Variants in EBF3 observed in about 807,000 individuals in gnomAD.
EBF3 encodes transcription factor COE3.
EBF3 carries 18 observed loss-of-function variants against 77.1 expected under a neutral mutation model. The observed-to-expected ratio is 0.23, with a 90% CI of 0.16 to 0.35. The LOEUF (loss-of-function observed/expected upper bound fraction) is 0.35, where lower values mean the gene tolerates loss of function less well. Ranked by LOEUF, EBF3 falls within the 10% of genes least tolerant of loss-of-function variation. The pLI, the probability that EBF3 is intolerant of heterozygous loss-of-function variation, is 1.00. For missense variants in EBF3, 558 were observed against 860.0 expected (o/e 0.65, Z 4.39); for synonymous variants, 350 against 343.5 (o/e 1.02, Z -0.21).
At chr10:129,941,286 AGC>A (rs1857717958) in intron 6 of EBF3, among the ~76,000 whole-genome samples, 2 of 152,344 alleles carry the variant, frequency 1.3e-5, no homozygotes, top group East Asian at 3.9e-4. Context: ...GTGTCAGATG[AGC>A]CGGGCTGGAG....
intron 6 of EBF3, among the ~76,000 whole-genome samples, chr10:129,915,481 CACACACACACACACACAA>C (rs930277743): frequency 5.0e-5 from 6 of 121,194 alleles, no homozygotes; most frequent in Admixed American, 1.8e-4. Flanking sequence ...CACACACACA[CACACACACACACACACAA>C]AAAAGCCAAG....
intron 6 of EBF3, among the ~76,000 whole-genome samples, chr10:129,905,771 T>C (rs185865525): frequency 1.1e-3 from 173 of 152,292 alleles, no homozygotes; most frequent in African/African-American, 3.9e-3. Flanking sequence ...AACCCTGGAA[T>C]TGAACTCGCC....
rs1364468943 is a variant in EBF3 at position 129,837,877 on chromosome 10, C to T, written c.*66G>A. 22 of 1,612,694 alleles carry T rather than the reference C, an allele frequency of 1.4e-5. No individual in the cohort carries two copies. In the East Asian group the frequency reaches 3.6e-4, roughly 26 times the overall value. On this transcript the variant is annotated 3_prime_UTR_variant, in exon 17 of 17. Transcript: ENST00000440978. ...ATGTCTTAATATACTAAACGTGTCC[C>T]CTGAAGTCCGTCCTTTGATGCTGGG... is the stretch of plus-strand genomic sequence containing the variant.
In EBF3 at chr10:129,945,999, G is replaced by A. The variant is rs999042266; in HGVS notation, c.554+11259C>T. Among the ~76,000 whole-genome samples the A allele has an allele frequency of 6.0e-5, 9 of 149,704 alleles. No individual in the cohort carries two copies. The East Asian group carries it at 1.2e-3, about 20-fold the overall frequency. On this transcript the variant is annotated intron_variant, in intron 6 of 16. Transcript: ENST00000440978. Reference sequence around the variant, plus strand: ...AAGTTTCCACTCGTTAGAAGATATCGCTACTATTTCCTTCCAAAAAAAAAA... The same window carrying A: ...AAGTTTCCACTCGTTAGAAGATATCACTACTATTTCCTTCCAAAAAAAAAA...
intron 6 of EBF3, among the ~76,000 whole-genome samples, chr10:129,909,614 C>G (rs1208928467): frequency 6.6e-6 from 1 of 152,194 alleles, no homozygotes; most frequent in Non-Finnish European, 1.5e-5. Flanking sequence ...CTCTGGAAGT[C>G]AAGCCTGGAA....
At position 129,935,280 on chromosome 10, in the gene EBF3, G is replaced by A. The variant is rs1431569602; in HGVS notation, c.554+21978C>T. Among the ~76,000 whole-genome samples the A allele has an allele frequency of 1.3e-5, 2 of 152,120 alleles. No individual in the cohort carries two copies. The highest frequency in any genetic ancestry group is 2.9e-5 in the Non-Finnish European group (2 of 68,012). ...CATGGCTGTCCCAGCACCCAGAGTG[G>A]AGTTGGGAACCAGGCTTGGATCTGC... On this transcript the variant is annotated intron_variant, in intron 6 of 16. Transcript: ENST00000440978. The surrounding 1 kb of genome is among the most constrained non-coding windows in gnomAD (Gnocchi z 4.2).
intron 16 of EBF3, 136 bp downstream of exon 16, chr10:129,838,947 A>C (rs1590024084): frequency 3.7e-6 from 3 of 810,754 alleles, no homozygotes; most frequent in Non-Finnish European, 5.2e-6. Flanking sequence ...GCGGCACCTC[A>C]CCACCTGCCT....
chr10:129,849,443 T>C (rs1008958872), intron 10 of EBF3, among the ~76,000 whole-genome samples: 31 of 152,204 alleles, frequency 2.0e-4, no homozygotes, highest in African/African-American at 6.0e-4. Context: ...ATTTGGGCCA[T>C]CACTCATTAG....
chr10:129,836,728 T>TCACAA lies in EBF3; in HGVS notation c.*1210_*1214dup, dbSNP rs577626175. On this transcript the variant is annotated 3_prime_UTR_variant, in exon 17 of 17. Coordinates refer to ENST00000440978, the MANE Select transcript of EBF3 (RefSeq NM_001375380.1). ...TTCTTGGCTAATGCTCTTCCCAGTA[T>TCACAA]CACAACACCAGGCCGTGATCAAAAA... The TCACAA allele has an allele frequency of 1.6e-4, 25 of 152,362 alleles. 1 individual carries two copies. Among genetic ancestry groups the TCACAA allele is most frequent in the Admixed American group, 1.6e-3 (24 of 15,280 alleles). 9.4% of individuals were successfully genotyped at this position (152,362 alleles called of 1,614,324 possible).
intron 6 of EBF3, among the ~76,000 whole-genome samples, chr10:129,946,399 C>T (rs554311823): frequency 3.9e-5 from 6 of 152,334 alleles, no homozygotes; most frequent in Non-Finnish European, 5.9e-5. Context: ...GAAACATGAG[C>T]GGCAGTTACT....
At position 129,944,960 on chromosome 10, in the gene EBF3, T is replaced by G. The variant is rs1041627639; in HGVS notation, c.554+12298A>C. Among the ~76,000 whole-genome samples, 8 of 150,054 alleles carry G rather than the reference T, an allele frequency of 5.3e-5. No individual in the cohort carries two copies. Among genetic ancestry groups the G allele is most frequent in the Non-Finnish European group, 1.0e-4 (7 of 67,732 alleles). On this transcript the variant is annotated intron_variant, in intron 6 of 16. Transcript: ENST00000440978. The surrounding 1 kb of genome is among the most constrained non-coding windows in gnomAD (Gnocchi z 5.1). ...TTTAGAATAAACTGTACTTGACATT[T>G]ATGTACCATGATGCATTTCTTGGTA...
chr10:129,860,541 C>A (rs1338546759), intron 10 of EBF3, among the ~76,000 whole-genome samples: 2 of 152,152 alleles, frequency 1.3e-5, no homozygotes, highest in Non-Finnish European at 2.9e-5. Context: ...TAGCGTGGCC[C>A]CGATGAGAGC....
chr10:129,843,162 A>G lies in EBF3; in HGVS notation c.1169T>C (p.Leu390Ser). Reference protein sequence around the residue: ...LKRAADLVEALYGMPHNNQEI... With the variant: ...LKRAADLVEASYGMPHNNQEI... ...CTGGTTGTTGTGAGGCATTCCGTAT[A>G]AGGCTTCCACCAGGTCCGCCGCCCG... is the stretch of plus-strand genomic sequence containing the variant. The change falls in exon 12 of 17, where the codon TTA (leucine) becomes TCA (serine). Residue 390 changes from leucine to serine, a missense_variant. Leu to Ser is a moderately radical substitution (Grantham distance 145). This residue lies in a region of EBF3 where 284 missense variants were observed against 368.3 expected (regional missense o/e 0.77). Coordinates refer to ENST00000440978, the MANE Select transcript of EBF3 (RefSeq NM_001375380.1). The G allele has an allele frequency of 6.2e-7, 1 of 1,613,614 alleles. No individual in the cohort carries two copies. Among genetic ancestry groups the G allele is most frequent in the Non-Finnish European group, 8.5e-7 (1 of 1,179,792 alleles).
At chr10:129,950,215 T>C (rs1042274932) in intron 6 of EBF3, among the ~76,000 whole-genome samples, 1 of 152,158 alleles carries the variant, frequency 6.6e-6, no homozygotes, top group African/African-American at 2.4e-5. Context: ...CCCCTTCCTT[T>C]CCGCACATGT....
rs1046655660 is a variant in EBF3, at chr10:129,963,116, C to T, written c.292-111G>A. 43 of 1,407,838 alleles carry T rather than the reference C, an allele frequency of 3.1e-5. No individual in the cohort carries two copies. The African/African-American group carries it at 5.2e-4, about 17-fold the overall frequency. 87.2% of individuals were successfully genotyped at this position (1,407,838 alleles called of 1,614,324 possible). A position where few individuals can be genotyped will look rare whatever the true frequency, so the allele number is the denominator to read the frequency against. ...CTCGGCCTCACACATGGCAGGATTCCTAGCTCGAAGCAGCGCGGTGATGTC... is the reference window on the plus strand; with the variant it reads ...CTCGGCCTCACACATGGCAGGATTCTTAGCTCGAAGCAGCGCGGTGATGTC... On this transcript the variant is annotated intron_variant, in intron 2 of 16. Transcript: ENST00000440978. This position sits in a 1 kb window ranked among gnomAD's most constrained non-coding sequence, Gnocchi z 7.1.
chr10:129,957,429 G>A (rs1859127858), intron 5 of EBF3, 103 bp from the exon 6 acceptor site: 1 of 933,694 alleles, frequency 1.1e-6, no homozygotes, highest in African/African-American at 1.7e-5. Flanking sequence ...AGCGGTAGGA[G>A]TCAACTACCA....
intron 7 of EBF3, among the ~76,000 whole-genome samples, chr10:129,877,042 A>G (rs1349332468): frequency 6.6e-6 from 1 of 152,104 alleles, no homozygotes; most frequent in Non-Finnish European, 1.5e-5. Context: ...GGGGGAAGGA[A>G]GCCGAGGCCA....
intron 6 of EBF3, among the ~76,000 whole-genome samples, chr10:129,925,591 C>CAAAA (rs11368338): frequency 8.7e-6 from 1 of 114,566 alleles, no homozygotes. Context: ...GACTCCATCT[C>CAAAA]AAAAAAAAAA....
chr10:129,924,839 A>G (rs1004846249), intron 6 of EBF3, among the ~76,000 whole-genome samples: 1 of 152,038 alleles, frequency 6.6e-6, no homozygotes, highest in African/African-American at 2.4e-5. Context: ...GCTAATTTAA[A>G]AAAAAAATTT....
Sources: gnomAD v4.1 joint callset for allele counts (sites outside exome capture counted in the v4.1 genomes callset) on GRCh38, gnomAD v4.1.1 for gene constraint, gnomAD v4.1.1 regional missense constraint, Gnocchi (gnomAD v3.1) non-coding constraint, MANE v1.5 for transcripts, NCBI Gene and HGNC (gene_info 2026-07-23, HGNC 2026-07-21) for gene names.